The following CAMTA1 variants were observed in gnomAD, a reference collection of about 807,000 sequenced individuals.
CAMTA1 encodes calmodulin binding transcription activator 1, also known as calmodulin-binding transcription activator 1.
Under a neutral mutation model 170.9 loss-of-function variants are expected in CAMTA1, and 27 were observed. The observed-to-expected ratio is 0.16, with a 90% confidence interval of 0.12 to 0.22. The LOEUF is 0.22. Ranked by LOEUF, CAMTA1 falls within the 10% of genes least tolerant of loss-of-function variation. The pLI is 1.00. For missense variants in CAMTA1, 1,619 were observed against 2,217.2 expected, an observed-to-expected ratio of 0.73 and a Z score of 5.42; for synonymous variants, 833 against 891.5, an observed-to-expected ratio of 0.93 and a Z score of 1.17.
chr1:7,084,024 C>A (rs1236679645), intron 3 of CAMTA1, among the ~76,000 whole-genome samples: 1 of 151,468 alleles, frequency 6.6e-6, no homozygotes, highest in Non-Finnish European at 1.5e-5. Flanking sequence ...AACCCTTATG[C>A]AGAACTCTCA....
At position 7,752,381 on chromosome 1, in the gene CAMTA1, C is replaced by T. The variant is rs944497763; in HGVS notation, c.4884-78C>T. 3.3e-5 allele frequency: 40 copies of T among 1,228,784 alleles called. 2 individuals carry two copies. In the Middle Eastern group the frequency reaches 1.3e-3, roughly 39 times the overall value. 76.1% of individuals were successfully genotyped at this position (1,228,784 alleles called of 1,614,324 possible). On this transcript the variant is annotated intron_variant, in intron 20 of 22. Coordinates refer to ENST00000303635, the MANE Select transcript of CAMTA1 (RefSeq NM_015215.4). ...TACACGAACTGCTTAATTCAGAGTC[C>T]TCTGTCACTGCTGACCAGTTTTCCA...
At chr1:6,814,284 C>CTAGT (rs1254137798) in intron 1 of CAMTA1, among the ~76,000 whole-genome samples, 5 of 152,148 alleles carry the variant, frequency 3.3e-5, no homozygotes, top group African/African-American at 1.2e-4. Flanking sequence ...GCAGAGACTG[C>CTAGT]TAGTTGATCA....
intron 5 of CAMTA1, among the ~76,000 whole-genome samples, chr1:7,360,849 A>G (rs962122040): frequency 1.3e-5 from 2 of 152,200 alleles, no homozygotes; most frequent in African/African-American, 4.8e-5. Context: ...GCCTGCACCA[A>G]TTGGCAGTCG....
intron 5 of CAMTA1, among the ~76,000 whole-genome samples, chr1:7,460,579 T>G (rs2149505668): frequency 7.3e-6 from 1 of 136,996 alleles, no homozygotes; most frequent in East Asian, 2.3e-4. Context: ...TGCCCCGTTC[T>G]GGAGGCTGTG....
chr1:7,106,375 G>A (rs1643593124), intron 4 of CAMTA1, among the ~76,000 whole-genome samples: 1 of 151,812 alleles, frequency 6.6e-6, no homozygotes, highest in Non-Finnish European at 1.5e-5. Context: ...GGAGATGGAG[G>A]GAGAAAGAAA....
chr1:7,242,811 A>AAATAAAT (rs1558298021), intron 4 of CAMTA1, among the ~76,000 whole-genome samples: 48 of 134,766 alleles, frequency 3.6e-4, no homozygotes, highest in African/African-American at 1.5e-3. Context: ...AATAAATAAA[A>AAATAAAT]ATTAGCCGGG....
At chr1:7,280,248 C>T (rs1170856551) in intron 5 of CAMTA1, among the ~76,000 whole-genome samples, 1 of 152,204 alleles carries the variant, frequency 6.6e-6, no homozygotes, top group Non-Finnish European at 1.5e-5. Flanking sequence ...CGCCAGTCAG[C>T]GAGAAGCCCT....
In CAMTA1 at chr1:6,837,007, G is replaced by GGCTCACTGCAATCTCC. The variant is rs1252088200; in HGVS notation, c.234+11816_234+11831dup. ...GGCTGGAGTGCAGTGGCGCAATCTC[G>GGCTCACTGCAATCTCC]GCTCACTGCAATCTCCGCTCACTGC... On this transcript the variant is annotated intron_variant, in intron 3 of 22. Transcript: ENST00000303635. Among the ~76,000 whole-genome samples, 11 of 149,938 alleles carry GGCTCACTGCAATCTCC rather than the reference G, an allele frequency of 7.3e-5. No individual in the cohort carries two copies. The South Asian group carries it at 2.3e-3, about 32-fold the overall frequency.
intron 4 of CAMTA1, among the ~76,000 whole-genome samples, chr1:7,157,341 T>A (rs1174906375): frequency 3.2e-5 from 1 of 31,676 alleles, no homozygotes. Context: ...TGAGACTCTG[T>A]CTCAAAAAAA....
rs577852016 is a variant in CAMTA1 at position 7,521,460 on chromosome 1, TTG to T, written c.510+53581_510+53582del. Among the ~76,000 whole-genome samples, 1,050 of 149,476 alleles carry T rather than the reference TTG, an allele frequency of 7.0e-3. 15 individuals are homozygous for T. The highest frequency in any genetic ancestry group is 0.023 in the African/African-American group (952 of 40,966). ...CCGTTTTCCCCATTTTTACTTGCAT[TTG>T]TGTGTGTGTGTGTGTGTGTGTTTCA... On this transcript the variant is annotated intron_variant, in intron 6 of 22. Transcript: ENST00000303635.
intron 4 of CAMTA1, among the ~76,000 whole-genome samples, chr1:7,206,109 A>G (rs1280826587): frequency 2.0e-5 from 3 of 152,166 alleles, no homozygotes; most frequent in African/African-American, 7.2e-5. Flanking sequence ...AAGGCTTTGT[A>G]GTATTTTTAG....
chr1:7,431,426 T>G (rs2092146404), intron 5 of CAMTA1, among the ~76,000 whole-genome samples: 1 of 152,168 alleles, frequency 6.6e-6, no homozygotes, highest in South Asian at 2.1e-4. Flanking sequence ...GATTTCTCAT[T>G]TCCACCCGGG....
At position 7,547,735 on chromosome 1, in the gene CAMTA1, G is replaced by A. The variant is rs1205143139; in HGVS notation, c.510+79834G>A. ...TTTTTTAGCTCATCAGCTACCGTTA[G>A]TGTTAGTATATTTATGTGTGGCCTA... On this transcript the variant is annotated intron_variant, in intron 6 of 22. Transcript: ENST00000303635. The surrounding 1 kb of genome is among the most constrained non-coding windows in gnomAD (Gnocchi z 5.7). 6.6e-6 allele frequency among the ~76,000 whole-genome samples: 1 copy of A among 151,284 alleles called. No individual in the cohort carries two copies. The highest frequency in any genetic ancestry group is 1.5e-5 in the Non-Finnish European group (1 of 67,970).
chr1:7,367,379 C>T (rs1283128928), intron 5 of CAMTA1, among the ~76,000 whole-genome samples: 4 of 152,262 alleles, frequency 2.6e-5, no homozygotes, highest in South Asian at 2.1e-4. Flanking sequence ...ATCATAATGG[C>T]CATTTGGCCA....
At chr1:6,919,402 C>T (rs1681511702) in intron 3 of CAMTA1, among the ~76,000 whole-genome samples, 1 of 152,174 alleles carries the variant, frequency 6.6e-6, no homozygotes, top group Non-Finnish European at 1.5e-5. Flanking sequence ...ACAGCCATGA[C>T]CAGTGAGCTG....
At chr1:7,593,461 G>A (rs1403191768) in intron 6 of CAMTA1, among the ~76,000 whole-genome samples, 1 of 151,662 alleles carries the variant, frequency 6.6e-6, no homozygotes, top group Non-Finnish European at 1.5e-5. Flanking sequence ...CTGGCCAGGT[G>A]AGGTGGCTCA....
At chr1:7,211,418 A>T (rs1463516223) in intron 4 of CAMTA1, among the ~76,000 whole-genome samples, 2 of 152,248 alleles carry the variant, frequency 1.3e-5, no homozygotes, top group Non-Finnish European at 2.9e-5. Flanking sequence ...CATCGTCTTC[A>T]GCAGCAACCG....
At chr1:7,001,888 C>CTTT (rs1698256050) in intron 3 of CAMTA1, among the ~76,000 whole-genome samples, 1 of 116,322 alleles carries the variant, frequency 8.6e-6, no homozygotes, top group African/African-American at 3.9e-5. Context: ...CTTTCTTCTT[C>CTTT]TTCTTCTTCT....
At chr1:6,855,017 T>C (rs1027472477) in intron 3 of CAMTA1, among the ~76,000 whole-genome samples, 10 of 152,106 alleles carry the variant, frequency 6.6e-5, no homozygotes, top group African/African-American at 2.4e-4. Context: ...TAGTTGAGTA[T>C]GGCAAGAAAA....
Sources: gnomAD v4.1 joint callset for allele counts (sites outside exome capture counted in the v4.1 genomes callset) on GRCh38, gnomAD v4.1.1 for gene constraint, Gnocchi (gnomAD v3.1) non-coding constraint, MANE v1.5 for transcripts, NCBI Gene and HGNC (gene_info 2026-07-23, HGNC 2026-07-21) for gene names.